RXRG: variants seen among roughly 807,000 people sequenced by gnomAD.
The protein encoded by RXRG is retinoic acid receptor RXR-gamma.
Under a neutral mutation model 49.2 loss-of-function variants are expected in RXRG, and 19 were observed. The observed-to-expected ratio is 0.39, with a 90% CI of 0.27 to 0.57. RXRG has a LOEUF of 0.57. Ranked by LOEUF, RXRG falls within the 20% of genes least tolerant of loss-of-function variation. The pLI, the probability that RXRG is intolerant of heterozygous loss-of-function variation, is 0.64. For synonymous variants in RXRG, 224 were observed against 216.6 expected (o/e 1.03, Z -0.30); for missense variants, 452 against 592.5 (o/e 0.76, Z 2.46).
chr1:165,414,663 A>G (rs1056797820), intron 4 of RXRG, among the ~76,000 whole-genome samples: 2 of 152,196 alleles, frequency 1.3e-5, no homozygotes, highest in African/African-American at 4.8e-5. Context: ...AAATACTTGT[A>G]GTCATTAGTT....
At chr1:165,424,327 A>G (rs1301353458) in intron 2 of RXRG, among the ~76,000 whole-genome samples, 1 of 152,116 alleles carries the variant, frequency 6.6e-6, no homozygotes, top group East Asian at 1.9e-4. Flanking sequence ...CTTCTCTAGA[A>G]CCTCTCAGAA....
At chr1:165,411,668 G>A (rs1233255434) in intron 4 of RXRG, among the ~76,000 whole-genome samples, 3 of 152,174 alleles carry the variant, frequency 2.0e-5, no homozygotes, top group Non-Finnish European at 4.4e-5. Flanking sequence ...TGAAGGGGTG[G>A]AGGGATGTCA....
At chr1:165,419,267 G>C (rs1360102707) in intron 3 of RXRG, among the ~76,000 whole-genome samples, 1 of 151,904 alleles carries the variant, frequency 6.6e-6, no homozygotes, top group Non-Finnish European at 1.5e-5. Context: ...AATATTAAAG[G>C]GTTTATTTTT....
intron 8 of RXRG, among the ~76,000 whole-genome samples, chr1:165,407,796 T>C (rs956484094): frequency 2.6e-5 from 4 of 152,124 alleles, no homozygotes; most frequent in African/African-American, 9.7e-5. Flanking sequence ...TCATGGAGTT[T>C]TCCCCATCTC....
intron 9 of RXRG, among the ~76,000 whole-genome samples, chr1:165,405,727 G>A (rs1657722326): frequency 6.6e-6 from 1 of 152,220 alleles, no homozygotes; most frequent in Admixed American, 6.5e-5. Flanking sequence ...GCAAGGAATA[G>A]ATGTTTGTGT....
Position 165,445,076 on chromosome 1 carries a change from T to C in RXRG, c.-183A>G. 1.6e-6 allele frequency: 1 copy of C among 618,820 alleles called. No homozygotes were observed. The highest frequency in any genetic ancestry group is 1.9e-5 in the South Asian group (1 of 51,838). The allele number at this position is 618,820 out of a possible 1,614,324, so 38.3% of individuals were successfully genotyped here. A position where few individuals can be genotyped will look rare whatever the true frequency, so the allele number is the denominator to read the frequency against. ...GATTAGTCAGGAATCTGCCTCTAGA[T>C]CGGAGAGTCCACATAGTGCGTTTGA... On this transcript the variant is annotated 5_prime_UTR_variant, in exon 1 of 10. Coordinates refer to ENST00000359842, the MANE Select transcript of RXRG (RefSeq NM_006917.5).
chr1:165,418,109 T>C (rs1217579650), intron 3 of RXRG, among the ~76,000 whole-genome samples: 1 of 16,758 alleles, frequency 6.0e-5, no homozygotes, highest in Non-Finnish European at 1.0e-4. Context: ...AGATCCCGTC[T>C]CAAAAAAAAA....
intron 1 of RXRG, among the ~76,000 whole-genome samples, chr1:165,434,272 A>ATATGTGTG (rs1553223950): frequency 1.5e-5 from 1 of 66,778 alleles, no homozygotes; most frequent in African/African-American, 3.7e-5. Flanking sequence ...AATGAATTGC[A>ATATGTGTG]TGTGTGTATG....
intron 1 of RXRG, among the ~76,000 whole-genome samples, chr1:165,434,273 T>G (rs1658762992): frequency 7.0e-5 from 1 of 14,238 alleles, no homozygotes; most frequent in African/African-American, 1.5e-4. Flanking sequence ...ATGAATTGCA[T>G]GTGTGTATGT....
intron 1 of RXRG, among the ~76,000 whole-genome samples, chr1:165,433,605 A>G (rs1658739540): frequency 6.6e-6 from 1 of 152,282 alleles, no homozygotes; most frequent in South Asian, 2.1e-4. Context: ...CATACCCAAG[A>G]ATAGCATTGC....
chr1:165,441,066 A>G (rs1338826048), intron 1 of RXRG, among the ~76,000 whole-genome samples: 1 of 152,246 alleles, frequency 6.6e-6, no homozygotes. Flanking sequence ...ATATACACAC[A>G]TGTGCACACG....
At position 165,401,122 on chromosome 1, in the gene RXRG, G is replaced by A; in HGVS notation, c.*141C>T. 6 of 710,822 alleles carry A rather than the reference G, an allele frequency of 8.4e-6. No homozygotes were observed. The highest frequency in any genetic ancestry group is 1.4e-5 in the Non-Finnish European group (6 of 435,372). 44.0% of individuals were successfully genotyped at this position (710,822 alleles called of 1,614,324 possible). ...TCCACCTATAAAAGTCTCATGTGTA[G>A]AAAGGTTTTCTTTATTATAAGCATC... On this transcript the variant is annotated 3_prime_UTR_variant, in exon 10 of 10. Transcript: ENST00000359842.
At chr1:165,429,873 T>C (rs1658617687) in intron 1 of RXRG, among the ~76,000 whole-genome samples, 1 of 152,124 alleles carries the variant, frequency 6.6e-6, no homozygotes, top group African/African-American at 2.4e-5. Context: ...AAACTCGAGA[T>C]GAAACAGGAG....
chr1:165,426,407 A>G (rs1197027830), intron 2 of RXRG, among the ~76,000 whole-genome samples: 3 of 151,420 alleles, frequency 2.0e-5, no homozygotes, highest in Non-Finnish European at 4.4e-5. Context: ...CCCTTCCTTC[A>G]CTCACCTGTG....
intron 4 of RXRG, 38 bp from the exon 5 acceptor site, chr1:165,411,147 C>A: frequency 6.3e-7 from 1 of 1,597,332 alleles, no homozygotes; most frequent in Non-Finnish European, 8.5e-7. Flanking sequence ...TACCATAATG[C>A]CCAGGACAAC....
intron 9 of RXRG, among the ~76,000 whole-genome samples, chr1:165,405,888 T>C (rs1657728488): frequency 6.6e-6 from 1 of 152,204 alleles, no homozygotes; most frequent in African/African-American, 2.4e-5. Flanking sequence ...TTCTGGACAA[T>C]TGCTAGAGGT....
At chr1:165,433,703 G>T (rs1265352322) in intron 1 of RXRG, among the ~76,000 whole-genome samples, 1 of 152,180 alleles carries the variant, frequency 6.6e-6, no homozygotes, top group Non-Finnish European at 1.5e-5. Context: ...CGTGAGCATT[G>T]GGTAGGACAT....
intron 1 of RXRG, among the ~76,000 whole-genome samples, chr1:165,430,914 C>T (rs77234229): frequency 0.026 from 3,974 of 152,314 alleles, 84 homozygotes; most frequent in Admixed American, 0.062. Flanking sequence ...CAAGGTCTAA[C>T]TCAAGTGCCA....
intron 1 of RXRG, among the ~76,000 whole-genome samples, chr1:165,431,213 A>G (rs577578056): frequency 6.6e-6 from 1 of 152,324 alleles, no homozygotes; most frequent in African/African-American, 2.4e-5. Flanking sequence ...CAAGGACAGC[A>G]AAGATGATTG....
Sources: gnomAD v4.1 joint callset for allele counts (sites outside exome capture counted in the v4.1 genomes callset) on GRCh38, gnomAD v4.1.1 for gene constraint, MANE v1.5 for transcripts, NCBI Gene and HGNC (gene_info 2026-07-23, HGNC 2026-07-21) for gene names.